The following ZNF782 variants were observed in gnomAD, a reference collection of about 807,000 sequenced individuals.
ZNF782 encodes zinc finger protein 782.
A neutral mutation model predicts 13.0 loss-of-function variants in ZNF782; 12 were observed. The observed-to-expected ratio is 0.92, with a 90% CI of 0.59 to 1.50. The LOEUF is 1.50. Among genes scored for constraint, ZNF782 ranks in the 40% most tolerant of loss-of-function variants. The probability of loss-of-function intolerance (pLI) is 0.00; values close to 1 mark genes in which losing one functional copy is unlikely to be tolerated. For missense variants in ZNF782, 770 were observed against 822.9 expected, an observed-to-expected ratio of 0.94 and a Z score of 0.79; for synonymous variants, 284 against 283.0, an observed-to-expected ratio of 1.00 and a Z score of -0.04.
chr9:96,850,515 G>A lies in ZNF782; in HGVS notation c.15+1432C>T, dbSNP rs1851456563. 2.0e-5 allele frequency among the ~76,000 whole-genome samples: 3 copies of A among 152,172 alleles called. No individual in the cohort carries two copies. The South Asian group carries it at 6.2e-4, about 32-fold the overall frequency. ...CAAGAAGGGGAGGGTGGGAGGCTAG[G>A]GAAAGGTGCTAGGGATAAAAAACTA... On this transcript the variant is annotated intron_variant, in intron 3 of 5. Transcript: ENST00000481138. The surrounding 1 kb of genome is among the most constrained non-coding windows in gnomAD (Gnocchi z 4.3).
intron 1 of ZNF782, among the ~76,000 whole-genome samples, chr9:96,863,896 C>T (rs1851731511): frequency 6.6e-6 from 1 of 151,996 alleles, no homozygotes; most frequent in Admixed American, 6.6e-5. Context: ...TAAAAGATTA[C>T]ATATTGGGTA....
the ZNF782 span, among the ~76,000 whole-genome samples, chr9:96,905,056 G>T: frequency 6.7e-6 from 1 of 149,672 alleles, no homozygotes; most frequent in Admixed American, 6.6e-5. Flanking sequence ...ATGAGTGTTG[G>T]TGTCAGAGGC....
At chr9:96,912,198 G>GAAAAAA in the ZNF782 span, among the ~76,000 whole-genome samples, 2 of 56,756 alleles carry the variant, frequency 3.5e-5, no homozygotes, top group Admixed American at 1.7e-4. Context: ...ACTCCGTCTC[G>GAAAAAA]AAAAAAAAAA....
the ZNF782 span, chr9:96,895,878 A>T: frequency 6.6e-6 from 1 of 152,240 alleles, no homozygotes; most frequent in Non-Finnish European, 1.5e-5. Flanking sequence ...ATTACGCTAT[A>T]AAGTGGAAGC....
At chr9:96,900,868 C>T in the ZNF782 span, among the ~76,000 whole-genome samples, 1 of 141,596 alleles carries the variant, frequency 7.1e-6, no homozygotes, top group African/African-American at 3.2e-5. Flanking sequence ...AAATGGCAGC[C>T]AGGTGTGGTG....
chr9:96,888,183 A>G, the ZNF782 span: 1 of 152,190 alleles, frequency 6.6e-6, no homozygotes, highest in Non-Finnish European at 1.5e-5. Flanking sequence ...AAAGAAAAAA[A>G]AAAAGAAAAT....
At chr9:96,840,380 C>T (rs1851149728) in intron 4 of ZNF782, among the ~76,000 whole-genome samples, 1 of 151,926 alleles carries the variant, frequency 6.6e-6, no homozygotes, top group Non-Finnish European at 1.5e-5. Flanking sequence ...TTTTCTCAAG[C>T]AACACTTATC....
chr9:96,825,429 G>T (rs1321406840), intron 5 of ZNF782, among the ~76,000 whole-genome samples: 7 of 152,112 alleles, frequency 4.6e-5, no homozygotes, highest in South Asian at 2.1e-4. Context: ...AGACTTAAAC[G>T]TTAGACCTGA....
chr9:96,913,616 GC>G, the ZNF782 span, among the ~76,000 whole-genome samples: 1 of 143,172 alleles, frequency 7.0e-6, no homozygotes, highest in South Asian at 2.4e-4. Flanking sequence ...CTCCACCCCC[GC>G]AATTCAAGCA....
the ZNF782 span, among the ~76,000 whole-genome samples, chr9:96,927,688 T>G: frequency 3.3e-5 from 5 of 152,154 alleles, no homozygotes; most frequent in Non-Finnish European, 7.3e-5. Context: ...ATTTTTTTTG[T>G]AAAAGTGTAC....
In ZNF782 at chr9:96,818,812, C is replaced by A; in HGVS notation, c.1211G>T (p.Ser404Ile). 1.2e-6 allele frequency: 2 copies of A among 1,613,894 alleles called. No individual in the cohort carries two copies. The highest frequency in any genetic ancestry group is 1.7e-6 in the Non-Finnish European group (2 of 1,179,956). ...ATGTTTTCTTAGGCGTGACTTCTCA[C>A]TGAAGGCTTTCCCGCACTCAGGACA... ...YECPECGKAF[S>I]EKSRLRKHQR... Residue 404 changes from serine (S) to isoleucine (I), a missense_variant, in exon 6 of 6, where the codon AGT (serine) becomes ATT (isoleucine). Physicochemically the swap from Ser to Ile is moderately radical, Grantham distance 142 (BLOSUM62 -2). Coordinates refer to ENST00000481138, the MANE Select transcript of ZNF782 (RefSeq NM_001001662.3).
the ZNF782 span, among the ~76,000 whole-genome samples, chr9:96,881,681 G>A: frequency 6.6e-6 from 1 of 151,944 alleles, no homozygotes; most frequent in Non-Finnish European, 1.5e-5. Flanking sequence ...TCCTTCCCTT[G>A]CTGAGGTATC....
At chr9:96,929,260 C>T in the ZNF782 span, among the ~76,000 whole-genome samples, 12 of 152,132 alleles carry the variant, frequency 7.9e-5, no homozygotes, top group East Asian at 1.6e-3. Context: ...GGGAATACAC[C>T]GTGTAGTGGA....
intron 4 of ZNF782, among the ~76,000 whole-genome samples, chr9:96,842,936 A>ATG (rs1851231738): frequency 6.6e-6 from 1 of 152,136 alleles, no homozygotes; most frequent in Non-Finnish European, 1.5e-5. Flanking sequence ...ATGTGAACAC[A>ATG]TGAAAAGATA....
the ZNF782 span, chr9:96,888,030 A>AG: frequency 1.4e-5 from 1 of 72,960 alleles, no homozygotes; most frequent in African/African-American, 5.6e-5. Flanking sequence ...GGGTGGGGGG[A>AG]GGGGGGAGGG....
At chr9:96,866,130 G>A (rs990290653) in intron 1 of ZNF782, among the ~76,000 whole-genome samples, 1 of 152,174 alleles carries the variant, frequency 6.6e-6, no homozygotes, top group African/African-American at 2.4e-5. Flanking sequence ...AAGTAATGAG[G>A]AGCCAAATGT....
At chr9:96,888,686 T>G in the ZNF782 span, 4 of 152,312 alleles carry the variant, frequency 2.6e-5, no homozygotes, top group African/African-American at 9.6e-5. Flanking sequence ...ACTTTGTGTC[T>G]GCAGCTGTGG....
intron 4 of ZNF782, among the ~76,000 whole-genome samples, chr9:96,836,191 T>C (rs1850991775): frequency 2.6e-5 from 4 of 152,120 alleles, no homozygotes; most frequent in South Asian, 2.1e-4. Flanking sequence ...TATTCCACCA[T>C]TGTATCTTGG....
chr9:96,854,911 A>AT (rs141320656), upstream of ZNF782, among the ~76,000 whole-genome samples: 24,832 of 151,268 alleles, frequency 0.16, 2,173 homozygotes, highest in South Asian at 0.22. Context: ...TTTTGTAGAA[A>AT]TTTTTTTTTT....
Sources: allele counts gnomAD v4.1 joint callset (sites outside exome capture counted in the v4.1 genomes callset), GRCh38; gene constraint gnomAD v4.1.1; non-coding constraint Gnocchi (gnomAD v3.1); transcripts MANE v1.5; gene names NCBI Gene and HGNC (gene_info 2026-07-23, HGNC 2026-07-21).